Variants in SHQ1 observed in about 807,000 individuals in gnomAD.
SHQ1 encodes SHQ1, H/ACA ribonucleoprotein assembly factor, also known as protein SHQ1 homolog.
In SHQ1, 49 loss-of-function variants were observed where a neutral mutation model predicts 53.8. That is an observed-to-expected ratio of 0.91 (90% CI 0.72 to 1.16). The LOEUF (loss-of-function observed/expected upper bound fraction) is 1.16. Among genes scored for constraint, SHQ1 ranks in the 50% most tolerant of loss-of-function variants. SHQ1 has a pLI of 0.00. For missense variants in SHQ1, 738 were observed against 683.1 expected, an observed-to-expected ratio of 1.08 and a Z score of -0.90; for synonymous variants, 243 against 251.0, an observed-to-expected ratio of 0.97 and a Z score of 0.30.
chr3:72,836,225 C>G (rs751196970), intron 4 of SHQ1, among the ~76,000 whole-genome samples: 7 of 152,220 alleles, frequency 4.6e-5, no homozygotes, highest in Non-Finnish European at 7.3e-5. Flanking sequence ...CATTGTGGCT[C>G]ACGCCTGTAA....
At chr3:72,775,459 CTTT>C (rs202198673) in intron 10 of SHQ1, among the ~76,000 whole-genome samples, 6 of 119,594 alleles carry the variant, frequency 5.0e-5, no homozygotes, top group Non-Finnish European at 8.9e-5. Flanking sequence ...GACACAATGG[CTTT>C]TTTTTTTTTT....
intron 3 of SHQ1, among the ~76,000 whole-genome samples, chr3:72,841,555 T>C (rs1013891967): frequency 1.3e-5 from 2 of 152,158 alleles, no homozygotes; most frequent in Non-Finnish European, 2.9e-5. Context: ...GTGGTTACCC[T>C]GGAGAGAGGG....
chr3:72,801,751 A>G (rs896408702), intron 9 of SHQ1, among the ~76,000 whole-genome samples: 2 of 152,242 alleles, frequency 1.3e-5, no homozygotes, highest in Non-Finnish European at 2.9e-5. Flanking sequence ...AATATAATTT[A>G]GTAAAGCTGA....
At chr3:72,832,243 G>A in intron 5 of SHQ1, 126 bp downstream of exon 5, 2 of 673,776 alleles carry the variant, frequency 3.0e-6, no homozygotes, top group Non-Finnish European at 5.3e-6. Flanking sequence ...TGTCCATTAA[G>A]GTCTTCAGTC....
At chr3:72,783,973 C>T (rs1002316655) in intron 10 of SHQ1, among the ~76,000 whole-genome samples, 1 of 151,978 alleles carries the variant, frequency 6.6e-6, no homozygotes, top group African/African-American at 2.4e-5. Flanking sequence ...TCTAAATAAA[C>T]TTTAGTTAAT....
Position 72,750,403 on chromosome 3 carries a change from T to G in SHQ1, c.1615A>C (p.Ile539Leu). Residue 539 changes from isoleucine (I) to leucine (L), a missense_variant, in exon 11 of 11, where the codon ATA (isoleucine) becomes CTA (leucine). Ile to Leu is a conservative substitution (Grantham distance 5). Coordinates refer to ENST00000325599, the MANE Select transcript of SHQ1 (RefSeq NM_018130.3). ...TTCAGTTGTTCCCCAAGCTCCTCTATCAGAGGCCCAGACACTCCAAGAGGC... is the reference window on the plus strand; with the variant it reads ...TTCAGTTGTTCCCCAAGCTCCTCTAGCAGAGGCCCAGACACTCCAAGAGGC... ...SWPLGVSGPL[I>L]EELGEQLKTT... is the part of the protein sequence containing the mutation. The G allele has an allele frequency of 6.2e-7, 1 of 1,614,140 alleles. No homozygotes were observed. Among genetic ancestry groups the G allele is most frequent in the Admixed American group, 1.7e-5 (1 of 60,012 alleles).
At chr3:72,756,959 G>T (rs981371829) in intron 10 of SHQ1, among the ~76,000 whole-genome samples, 4 of 152,198 alleles carry the variant, frequency 2.6e-5, no homozygotes, top group Admixed American at 1.3e-4. Flanking sequence ...GACTGTAGGA[G>T]GGGGAAAGCC....
At chr3:72,801,455 T>C (rs1706784877) in intron 9 of SHQ1, among the ~76,000 whole-genome samples, 1 of 152,124 alleles carries the variant, frequency 6.6e-6, no homozygotes, top group African/African-American at 2.4e-5. Flanking sequence ...AAAACTAAAA[T>C]TGCATGAGGT....
rs141533755 is a variant in SHQ1 at position 72,825,709 on chromosome 3, A to G, written c.600-1158T>C. Among the ~76,000 whole-genome samples the G allele has an allele frequency of 5.9e-3, 901 of 152,308 alleles. 11 individuals carry two copies. The highest frequency in any genetic ancestry group is 0.021 in the Middle Eastern group (6 of 292). Reference sequence around the variant, plus strand: ...ATGGTGAAAATTTTATTTATATTTTAGTTAACTAGAAACTCAAGGAATTGG... The same window carrying G: ...ATGGTGAAAATTTTATTTATATTTTGGTTAACTAGAAACTCAAGGAATTGG... On this transcript the variant is annotated intron_variant, in intron 5 of 10. Transcript: ENST00000325599.
intron 9 of SHQ1, among the ~76,000 whole-genome samples, chr3:72,808,227 A>T (rs1406564719): frequency 6.6e-6 from 1 of 152,160 alleles, no homozygotes; most frequent in African/African-American, 2.4e-5. Flanking sequence ...AAATCACAAC[A>T]TGTACAAAAA....
At chr3:72,837,619 A>C (rs1186882539) in intron 4 of SHQ1, among the ~76,000 whole-genome samples, 1 of 152,372 alleles carries the variant, frequency 6.6e-6, no homozygotes, top group Non-Finnish European at 1.5e-5. Context: ...ACTAGAAAAA[A>C]TAAACTTGTG....
intron 10 of SHQ1, among the ~76,000 whole-genome samples, chr3:72,759,138 C>T (rs1292902531): frequency 4.6e-5 from 7 of 152,250 alleles, no homozygotes; most frequent in African/African-American, 1.7e-4. Context: ...ATTAAAGGCC[C>T]ACCCTACTCT....
At chr3:72,763,602 T>G (rs1442200156) in intron 10 of SHQ1, among the ~76,000 whole-genome samples, 3 of 152,164 alleles carry the variant, frequency 2.0e-5, no homozygotes, top group African/African-American at 7.2e-5. Flanking sequence ...TCACACCGGA[T>G]TAGGGAAGGA....
intron 5 of SHQ1, among the ~76,000 whole-genome samples, chr3:72,828,443 C>G (rs1707728697): frequency 6.6e-6 from 1 of 152,056 alleles, no homozygotes; most frequent in Non-Finnish European, 1.5e-5. Flanking sequence ...GTCTGTAATC[C>G]CAACACTTTG....
chr3:72,837,897 A>G (rs1454903011), intron 4 of SHQ1, among the ~76,000 whole-genome samples: 2 of 152,246 alleles, frequency 1.3e-5, no homozygotes, highest in Non-Finnish European at 2.9e-5. Context: ...CATAAAACCT[A>G]TCTACCTTAA....
chr3:72,727,772 G>A, the SHQ1 span, among the ~76,000 whole-genome samples: 3 of 152,252 alleles, frequency 2.0e-5, no homozygotes, highest in South Asian at 4.2e-4. Flanking sequence ...TCTTGGTAAC[G>A]GTGTCAGGCT....
the SHQ1 span, among the ~76,000 whole-genome samples, chr3:72,734,264 T>G: frequency 6.6e-6 from 1 of 151,178 alleles, no homozygotes; most frequent in Non-Finnish European, 1.5e-5. Flanking sequence ...ATTTATTTAT[T>G]TATTTATATT....
At chr3:72,747,130 T>A (rs191035108), downstream of SHQ1, among the ~76,000 whole-genome samples, 9 of 152,358 alleles carry the variant, frequency 5.9e-5, no homozygotes, top group Admixed American at 5.9e-4. Flanking sequence ...ATGATGCTAC[T>A]GAGATTAATA....
intron 10 of SHQ1, among the ~76,000 whole-genome samples, chr3:72,751,535 T>TATATATATATACAC (rs1444853961): frequency 2.9e-5 from 4 of 139,970 alleles, no homozygotes; most frequent in South Asian, 2.1e-4. Context: ...TATATACATA[T>TATATATATATACAC]ACATACACTA....
Sources: gnomAD v4.1 joint callset for allele counts (sites outside exome capture counted in the v4.1 genomes callset) on GRCh38, gnomAD v4.1.1 for gene constraint, MANE v1.5 for transcripts, NCBI Gene and HGNC (gene_info 2026-07-23, HGNC 2026-07-21) for gene names.